The following FRMD1 variants were observed in gnomAD, a reference collection of about 807,000 sequenced individuals.
FRMD1 encodes FERM domain containing 1, also known as FERM domain-containing protein 1.
Under a neutral mutation model 54.9 loss-of-function variants are expected in FRMD1, and 51 were observed. The ratio of observed to expected loss-of-function variants is 0.93; its 90% CI spans 0.74 to 1.17. The LOEUF is 1.17. FRMD1 is among the 50% of genes most tolerant of loss of function. The pLI is 0.00. For synonymous variants in FRMD1, 324 were observed against 306.4 expected (o/e 1.06, Z -0.60); for missense variants, 729 against 743.0 (o/e 0.98, Z 0.22).
At chr6:168,071,024 C>G (rs945133156) in intron 2 of FRMD1, among the ~76,000 whole-genome samples, 1 of 152,202 alleles carries the variant, frequency 6.6e-6, no homozygotes, top group Non-Finnish European at 1.5e-5. Context: ...GTTGATTGAA[C>G]AAAAGGCCTG....
chr6:168,076,462 G>T (rs1354799167), intron 1 of FRMD1, among the ~76,000 whole-genome samples: 2 of 152,062 alleles, frequency 1.3e-5, no homozygotes, highest in African/African-American at 4.8e-5. Context: ...GAGCCGGTGG[G>T]AGGTGACTGA....
chr6:168,075,688 C>T (rs1255116872), intron 1 of FRMD1: 5 of 1,416,354 alleles, frequency 3.5e-6, no homozygotes, highest in Non-Finnish European at 4.9e-6. Context: ...TGTCCTCGCA[C>T]GGCACAAATG....
chr6:168,061,264 T>G (rs1583170798), intron 8 of FRMD1, among the ~76,000 whole-genome samples: 1 of 148,964 alleles, frequency 6.7e-6, no homozygotes, highest in Non-Finnish European at 1.5e-5. Context: ...ACCAGGCCTG[T>G]GGTAAACGCT....
chr6:168,079,406 G>A (rs1308017469), upstream of FRMD1, among the ~76,000 whole-genome samples: 1 of 152,210 alleles, frequency 6.6e-6, no homozygotes, highest in Non-Finnish European at 1.5e-5. Context: ...CCAGGCTGGG[G>A]GAGACAGGAC....
upstream of FRMD1, chr6:168,081,511 T>G: frequency 6.5e-7 from 1 of 1,529,388 alleles, no homozygotes; most frequent in South Asian, 1.2e-5. Context: ...GGCCCAACTC[T>G]CTCTTCTTCT....
chr6:168,090,530 C>T (rs927278444), intron 1 of FRMD1, among the ~76,000 whole-genome samples: 3 of 152,328 alleles, frequency 2.0e-5, no homozygotes, highest in South Asian at 2.1e-4. Context: ...TTCTCACTGC[C>T]GGCTCTGATG....
intron 1 of FRMD1, among the ~76,000 whole-genome samples, chr6:168,088,791 C>A (rs139014326): frequency 1.0e-5 from 1 of 98,736 alleles, no homozygotes; most frequent in African/African-American, 3.2e-5. Flanking sequence ...CACAAGCCTT[C>A]CACTGCAAGG....
chr6:168,063,800 C>T (rs1583177911), intron 5 of FRMD1, 44 bp from the exon 6 acceptor site: 1 of 1,555,114 alleles, frequency 6.4e-7, no homozygotes, highest in South Asian at 1.2e-5. Context: ...CTGCTGGTCC[C>T]CCCTTCCTCC....
chr6:168,088,188 C>T (rs2115031892), intron 1 of FRMD1, among the ~76,000 whole-genome samples: 1 of 152,336 alleles, frequency 6.6e-6, no homozygotes, highest in South Asian at 2.1e-4. Flanking sequence ...CCCATGCTGC[C>T]TCTGGGATGC....
intron 7 of FRMD1, 45 bp downstream of exon 7, chr6:168,062,849 G>A: frequency 8.7e-6 from 14 of 1,604,512 alleles, no homozygotes; most frequent in Non-Finnish European, 1.2e-5. Context: ...GGAGGGGGTG[G>A]GGGCAGGACG....
At chr6:168,060,705 G>A (rs1799674449) in intron 9 of FRMD1, 56 bp downstream of exon 9, 4 of 1,544,620 alleles carry the variant, frequency 2.6e-6, no homozygotes, top group Admixed American at 1.8e-5. Flanking sequence ...GCCAAGCTGG[G>A]GCTGGCTGGA....
rs1200139063 is a variant in FRMD1 at position 168,058,304 on chromosome 6, TG to T, written c.1407+819del. 1.7e-3 allele frequency among the ~76,000 whole-genome samples: 49 copies of T among 29,522 alleles called. 2 individuals are homozygous for T. Among genetic ancestry groups the T allele is most frequent in the Non-Finnish European group, 2.6e-3 (29 of 10,988 alleles). 19.4% of individuals were successfully genotyped at this position (29,522 alleles called of 152,430 possible). A position where few individuals can be genotyped will look rare whatever the true frequency, so the allele number is the denominator to read the frequency against. ...TGCCCAGCCCTGTTCTCTCTCTCCATGCAGCCTCTCGTGCCCAGCCCTGTTC... is the reference window on the plus strand; with the variant it reads ...TGCCCAGCCCTGTTCTCTCTCTCCATCAGCCTCTCGTGCCCAGCCCTGTTC... On this transcript the variant is annotated intron_variant, in intron 10 of 10. Coordinates refer to ENST00000283309, the MANE Select transcript of FRMD1 (RefSeq NM_024919.6).
At chr6:168,092,082 C>T (rs1257712358) in intron 1 of FRMD1, among the ~76,000 whole-genome samples, 1 of 152,252 alleles carries the variant, frequency 6.6e-6, no homozygotes, top group African/African-American at 2.4e-5. Context: ...TCTGTTGGCT[C>T]AAATGTCATC....
chr6:168,075,247 C>T lies in FRMD1; in HGVS notation c.302G>A (p.Arg101Lys), dbSNP rs200101605. 1 of 1,613,612 alleles carries T rather than the reference C, an allele frequency of 6.2e-7. No individual in the cohort carries two copies. The highest frequency in any genetic ancestry group is 8.5e-7 in the Non-Finnish European group (1 of 1,179,910). The change falls in exon 2 of 11, where the codon AGA becomes AAA. Residue 101 changes from arginine (R) to lysine (K), a missense_variant and splice_region_variant. Physicochemically the swap from Arg to Lys is conservative, Grantham distance 26. Coordinates refer to ENST00000283309, the MANE Select transcript of FRMD1 (RefSeq NM_024919.6). ...DAQFFGLCVV[R>K]NNEYIFMDLE... ...GGTGGGGACTGAGCGATGCTTACTT[C>T]TGACCACACAGAGGCCAAAGAACTG...
At position 168,059,571 on chromosome 6, in the gene FRMD1, G is replaced by C. The variant is rs1028442625; in HGVS notation, c.1343-383C>G. Reference sequence around the variant, plus strand: ...GCCCTAGGTGATGTTTTGTGACCCTGGATGGCCCTGGGTGACTGTAGGTGA... The same window carrying C: ...GCCCTAGGTGATGTTTTGTGACCCTCGATGGCCCTGGGTGACTGTAGGTGA... On this transcript the variant is annotated intron_variant, in intron 9 of 10. Coordinates refer to ENST00000283309, the MANE Select transcript of FRMD1 (RefSeq NM_024919.6). The surrounding 1 kb of genome is among the most constrained non-coding windows in gnomAD (Gnocchi z 4.4). Among the ~76,000 whole-genome samples the C allele has an allele frequency of 3.9e-5, 6 of 152,156 alleles. No homozygotes were observed. Among genetic ancestry groups the C allele is most frequent in the African/African-American group, 1.2e-4 (5 of 41,436 alleles).
chr6:168,058,708 G>A (rs932972169), intron 10 of FRMD1, among the ~76,000 whole-genome samples: 3 of 152,188 alleles, frequency 2.0e-5, no homozygotes, highest in South Asian at 4.1e-4. Context: ...CAGGAAGTGG[G>A]GGAAGCCTGG....
chr6:168,075,642 G>T, intron 1 of FRMD1: 1 of 927,756 alleles, frequency 1.1e-6, no homozygotes. Context: ...AGGGACACAC[G>T]ATGCAGCGTC....
chr6:168,061,112 G>A, intron 8 of FRMD1, 55 bp from the exon 9 acceptor site: 2 of 1,533,980 alleles, frequency 1.3e-6, no homozygotes, highest in Non-Finnish European at 8.8e-7. Flanking sequence ...CAGCCCTGCT[G>A]ATGCAGGAGG....
intron 1 of FRMD1, among the ~76,000 whole-genome samples, chr6:168,076,782 G>C (rs1800613613): frequency 6.6e-6 from 1 of 152,220 alleles, no homozygotes; most frequent in Non-Finnish European, 1.5e-5. Flanking sequence ...CACAATGACG[G>C]TAACACAGAT....
Sources: gnomAD v4.1 joint callset for allele counts (sites outside exome capture counted in the v4.1 genomes callset) on GRCh38, gnomAD v4.1.1 for gene constraint, Gnocchi (gnomAD v3.1) non-coding constraint, MANE v1.5 for transcripts, NCBI Gene and HGNC (gene_info 2026-07-23, HGNC 2026-07-21) for gene names.